Variants in MGAT4C observed in about 807,000 individuals in gnomAD.
MGAT4C encodes the protein alpha-1,3-mannosyl-glycoprotein 4-beta-N-acetylglucosaminyltransferase C.
A neutral mutation model predicts 40.1 loss-of-function variants in MGAT4C; 19 were observed. The ratio of observed to expected loss-of-function variants is 0.47; its 90% confidence interval spans 0.33 to 0.70. The LOEUF is 0.70. Ranked by LOEUF, MGAT4C falls within the 30% of genes least tolerant of loss-of-function variation. MGAT4C has a pLI of 0.02. For missense variants in MGAT4C, 491 were observed against 563.2 expected, an observed-to-expected ratio of 0.87 and a Z score of 1.30; for synonymous variants, 181 against 187.1, an observed-to-expected ratio of 0.97 and a Z score of 0.27.
intron 2 of MGAT4C, among the ~76,000 whole-genome samples, chr12:86,046,659 G>A (rs999755300): frequency 1.1e-4 from 17 of 152,094 alleles, no homozygotes; most frequent in African/African-American, 4.1e-4. Context: ...GTGTGAATTG[G>A]GGTCTCCTGG....
At chr12:86,121,089 C>T (rs755206355) in intron 1 of MGAT4C, among the ~76,000 whole-genome samples, 2 of 152,082 alleles carry the variant, frequency 1.3e-5, no homozygotes, top group African/African-American at 2.4e-5. Flanking sequence ...AAGAGAACTA[C>T]GTGACGCATG....
chr12:86,714,229 T>C (rs2136635757), intron 2 of MGAT4C, among the ~76,000 whole-genome samples: 1 of 152,270 alleles, frequency 6.6e-6, no homozygotes, highest in South Asian at 2.1e-4. Context: ...TTCACTTTTT[T>C]GTTGGCTTAA....
Position 86,073,053 on chromosome 12 carries a change from G to A in MGAT4C, c.-56-23330C>T, listed in dbSNP as rs139973168. On this transcript the variant is annotated intron_variant, in intron 1 of 4. Transcript: ENST00000611864. ...AATCTCATCTTGAATTTTAGCTCCC[G>A]TAATTCCCACATGTTATGAGAGGGA... Among the ~76,000 whole-genome samples the A allele has an allele frequency of 4.2e-3, 636 of 152,164 alleles. 2 individuals carry two copies. The highest frequency in any genetic ancestry group is 7.2e-3 in the African/African-American group (301 of 41,546).
At chr12:86,141,182 C>CT (rs1223212956) in intron 1 of MGAT4C, among the ~76,000 whole-genome samples, 1 of 152,128 alleles carries the variant, frequency 6.6e-6, no homozygotes, top group African/African-American at 2.4e-5. Context: ...ATAAATACTT[C>CT]TTTTTGAATG....
chr12:86,405,543 A>T (rs1956447215), intron 3 of MGAT4C, among the ~76,000 whole-genome samples: 1 of 152,036 alleles, frequency 6.6e-6, no homozygotes, highest in Non-Finnish European at 1.5e-5. Flanking sequence ...CGTAGTAAAG[A>T]TTTCAACTCT....
At chr12:86,643,168 T>C (rs4240751) in intron 2 of MGAT4C, among the ~76,000 whole-genome samples, 117,384 of 151,536 alleles carry the variant, frequency 0.77, 46,928 homozygotes, top group Middle Eastern at 0.88. Flanking sequence ...CCAAACTCGC[T>C]TTTATAACAA....
intron 1 of MGAT4C, among the ~76,000 whole-genome samples, chr12:86,767,599 C>G (rs529464450): frequency 6.6e-6 from 1 of 152,060 alleles, no homozygotes; most frequent in Non-Finnish European, 1.5e-5. Context: ...TTGATGAACA[C>G]TGATGCAAAA....
upstream of MGAT4C, among the ~76,000 whole-genome samples, chr12:86,258,043 G>T (rs1432972762): frequency 6.6e-6 from 1 of 151,898 alleles, no homozygotes; most frequent in African/African-American, 2.4e-5. Flanking sequence ...TCGTTGTTAT[G>T]AAAACAATCA....
At chr12:86,473,288 A>G (rs567099661) in intron 2 of MGAT4C, among the ~76,000 whole-genome samples, 35 of 152,134 alleles carry the variant, frequency 2.3e-4, no homozygotes, top group Non-Finnish European at 4.7e-4. Flanking sequence ...GAAAGTAGGA[A>G]TGGAGAGCAA....
intron 2 of MGAT4C, among the ~76,000 whole-genome samples, chr12:86,543,769 A>C (rs1186326428): frequency 2.0e-5 from 3 of 151,476 alleles, no homozygotes; most frequent in African/African-American, 7.4e-5. Flanking sequence ...CTAGTGACTT[A>C]AAACAATGAA....
chr12:86,614,044 C>G (rs1301143101), intron 2 of MGAT4C, among the ~76,000 whole-genome samples: 3 of 152,054 alleles, frequency 2.0e-5, no homozygotes, highest in African/African-American at 7.2e-5. Flanking sequence ...ACAACATCCT[C>G]TATAATTGCT....
chr12:86,603,090 G>C (rs1393252662), intron 2 of MGAT4C, among the ~76,000 whole-genome samples: 1 of 151,178 alleles, frequency 6.6e-6, no homozygotes, highest in Admixed American at 6.7e-5. Flanking sequence ...ACAGTAGGAT[G>C]GTGGTTTCCA....
At chr12:86,006,396 A>T (rs1168535374) in intron 2 of MGAT4C, among the ~76,000 whole-genome samples, 3 of 152,148 alleles carry the variant, frequency 2.0e-5, no homozygotes, top group African/African-American at 7.2e-5. Flanking sequence ...CTGCTAACCC[A>T]TCCAGCAAAT....
intron 2 of MGAT4C, among the ~76,000 whole-genome samples, chr12:86,046,610 G>A (rs941757408): frequency 2.0e-5 from 3 of 152,100 alleles, no homozygotes; most frequent in Admixed American, 2.0e-4. Flanking sequence ...AGACTCATGG[G>A]GCAAACTGTT....
chr12:86,196,008 A>G (rs1949786895), intron 1 of MGAT4C, among the ~76,000 whole-genome samples: 1 of 152,200 alleles, frequency 6.6e-6, no homozygotes, highest in African/African-American at 2.4e-5. Context: ...ATATTTATGT[A>G]TGTGTGTTAG....
chr12:86,167,971 C>A (rs1886372563), intron 1 of MGAT4C, among the ~76,000 whole-genome samples: 2 of 152,156 alleles, frequency 1.3e-5, no homozygotes, highest in Admixed American at 6.6e-5. Flanking sequence ...AGTGAGCACA[C>A]AACCTAGCTC....
chr12:86,478,008 C>T lies in MGAT4C; in HGVS notation c.-228-42743G>A, dbSNP rs145949714. Among the ~76,000 whole-genome samples, 155 of 151,860 alleles carry T rather than the reference C, an allele frequency of 1.0e-3. 1 individual carries two copies. Among genetic ancestry groups the T allele is most frequent in the African/African-American group, 2.9e-3 (120 of 41,530 alleles). ...CATTTCATATTTTCTACTTTACTTC[C>T]GAATTTTCAAGCTGAGAAATTTTGT... On this transcript the variant is annotated intron_variant, in intron 2 of 7. Coordinates refer to the MGAT4C transcript ENST00000548651.
intron 1 of MGAT4C, among the ~76,000 whole-genome samples, chr12:86,177,090 G>T (rs1887533677): frequency 6.6e-6 from 1 of 151,692 alleles, no homozygotes; most frequent in South Asian, 2.1e-4. Context: ...CAGAATACCA[G>T]CTTACTAATA....
chr12:85,983,982 T>G (rs1592604666), intron 3 of MGAT4C, among the ~76,000 whole-genome samples: 1 of 152,340 alleles, frequency 6.6e-6, no homozygotes, highest in East Asian at 1.9e-4. Context: ...CCACTGCCTT[T>G]ATGCTACTTT....
Sources: gnomAD v4.1 joint callset for allele counts (sites outside exome capture counted in the v4.1 genomes callset) on GRCh38, gnomAD v4.1.1 for gene constraint, MANE v1.5 for transcripts, NCBI Gene and HGNC (gene_info 2026-07-23, HGNC 2026-07-21) for gene names.